Variants in NRG2 observed in about 807,000 individuals in gnomAD.
NRG2 encodes the protein pro-neuregulin-2, membrane-bound isoform.
A neutral mutation model predicts 73.9 loss-of-function variants in NRG2; 27 were observed. That is an observed-to-expected ratio of 0.37 (90% CI 0.27 to 0.50). NRG2 has a LOEUF of 0.50. Among genes scored for constraint, NRG2 ranks in the 20% least tolerant of loss-of-function variants. The pLI, the probability that NRG2 is intolerant of heterozygous loss-of-function variation, is 0.96. For synonymous variants in NRG2, 532 were observed against 541.0 expected, an observed-to-expected ratio of 0.98 and a Z score of 0.23; for missense variants, 1,126 against 1,210.1, an observed-to-expected ratio of 0.93 and a Z score of 1.03.
chr5:139,886,126 A>T (rs1344843076), intron 2 of NRG2, among the ~76,000 whole-genome samples: 1 of 152,110 alleles, frequency 6.6e-6, no homozygotes, highest in East Asian at 1.9e-4. Context: ...TCAGCCACAA[A>T]CCTTTGATCT....
At chr5:140,033,371 A>T (rs1050099982) in intron 1 of NRG2, among the ~76,000 whole-genome samples, 2 of 152,380 alleles carry the variant, frequency 1.3e-5, no homozygotes, top group East Asian at 3.9e-4. Context: ...GGACTCCAGA[A>T]CTTGGTTCAC....
At chr5:139,926,978 T>C (rs1752105827) in intron 1 of NRG2, among the ~76,000 whole-genome samples, 1 of 152,184 alleles carries the variant, frequency 6.6e-6, no homozygotes, top group Admixed American at 6.5e-5. Context: ...CAACCAGACC[T>C]TCTGCCAGGC....
intron 5 of NRG2, among the ~76,000 whole-genome samples, chr5:139,862,897 T>C (rs1208073735): frequency 6.6e-6 from 1 of 152,240 alleles, no homozygotes; most frequent in Non-Finnish European, 1.5e-5. Flanking sequence ...TTCAATGTGC[T>C]ATTGCAGTCA....
chr5:139,852,516 C>T lies in NRG2; in HGVS notation c.1460G>A (p.Arg487Lys), dbSNP rs1761513067. ...CCCAGAGAAGGTGGTCTCAGTTTCT[C>T]TCCTGATGACATGGTCTGTGGCTGG... ...NVPATDHVIRRETETTFSGSH... is the reference protein window; with the variant it reads ...NVPATDHVIRKETETTFSGSH... Residue 487 changes from arginine to lysine, a missense_variant, in exon 8 of 10, where the codon AGA becomes AAA. Around this residue, in one of 3 missense-constraint regions of NRG2, gnomAD observed 539 missense variants for 703.2 expected, o/e 0.77. Transcript: ENST00000361474. The surrounding 1 kb of genome is among the most constrained non-coding windows in gnomAD (Gnocchi z 4.4). 2 of 1,614,134 alleles carry T rather than the reference C, an allele frequency of 1.2e-6. No homozygotes were observed. The highest frequency in any genetic ancestry group is 1.7e-6 in the Non-Finnish European group (2 of 1,180,022).
At chr5:140,002,220 G>C (rs376512852) in intron 1 of NRG2, among the ~76,000 whole-genome samples, 1 of 152,124 alleles carries the variant, frequency 6.6e-6, no homozygotes, top group African/African-American at 2.4e-5. Context: ...TATTAGAGCT[G>C]TGACAGGGGA....
rs1381101188 is a variant in NRG2 at position 139,847,224 on chromosome 5, C to G, written c.*693G>C. On this transcript the variant is annotated 3_prime_UTR_variant, in exon 10 of 10. Coordinates refer to ENST00000361474, the MANE Select transcript of NRG2 (RefSeq NM_004883.3). ...GGGGACAGGAGCCGCCAACATTGGG[C>G]CCCTGGCAGAGCTGCCACCTCCCTG... 1 of 152,218 alleles carries G rather than the reference C, an allele frequency of 6.6e-6. No homozygotes were observed. Among genetic ancestry groups the G allele is most frequent in the Non-Finnish European group, 1.5e-5 (1 of 68,078 alleles). 9.4% of individuals were successfully genotyped at this position (152,218 alleles called of 1,614,324 possible). A position where few individuals can be genotyped will look rare whatever the true frequency, so the allele number is the denominator to read the frequency against.
chr5:139,895,954 T>C (rs1764518733), intron 1 of NRG2, among the ~76,000 whole-genome samples: 1 of 152,214 alleles, frequency 6.6e-6, no homozygotes, highest in Non-Finnish European at 1.5e-5. Context: ...GCTCAGGGAA[T>C]TCAGAAAGGG....
At chr5:140,020,601 C>A (rs1013226739) in intron 1 of NRG2, among the ~76,000 whole-genome samples, 16 of 152,194 alleles carry the variant, frequency 1.1e-4, no homozygotes, top group African/African-American at 3.9e-4. Context: ...TTCCAGAGAT[C>A]TGTGCAATGA....
intron 1 of NRG2, among the ~76,000 whole-genome samples, chr5:139,940,260 A>G (rs13153565): frequency 0.14 from 21,341 of 152,232 alleles, 1,609 homozygotes; most frequent in South Asian, 0.25. Flanking sequence ...CTACTGAGCA[A>G]TAAAGAGGAG....
At chr5:139,867,914 G>C (rs1209659296) in intron 4 of NRG2, among the ~76,000 whole-genome samples, 1 of 148,738 alleles carries the variant, frequency 6.7e-6, no homozygotes, top group Non-Finnish European at 1.5e-5. Context: ...TGACAAGCAG[G>C]GCTGCTGTCC....
At chr5:139,946,429 G>A (rs1263260211) in intron 1 of NRG2, among the ~76,000 whole-genome samples, 1 of 151,904 alleles carries the variant, frequency 6.6e-6, no homozygotes, top group Non-Finnish European at 1.5e-5. Flanking sequence ...CAGCAAAATA[G>A]TGAAGTTGGA....
At chr5:139,893,577 A>G (rs1442143044) in intron 1 of NRG2, among the ~76,000 whole-genome samples, 1 of 152,184 alleles carries the variant, frequency 6.6e-6, no homozygotes, top group Non-Finnish European at 1.5e-5. Context: ...TGGCAAGCTG[A>G]TGGCCTACAC....
intron 1 of NRG2, among the ~76,000 whole-genome samples, chr5:139,901,458 C>G (rs975723691): frequency 3.3e-5 from 5 of 152,166 alleles, no homozygotes; most frequent in Non-Finnish European, 7.4e-5. Flanking sequence ...CAGAAGCAAC[C>G]CCCAGATGTG....
intron 1 of NRG2, among the ~76,000 whole-genome samples, chr5:140,015,514 T>C (rs62383916): frequency 0.083 from 12,585 of 152,234 alleles, 700 homozygotes; most frequent in Non-Finnish European, 0.12. Context: ...TAACGGAGAT[T>C]CCATAAGTGT....
chr5:140,019,912 C>T (rs1474855917), intron 1 of NRG2, among the ~76,000 whole-genome samples: 1 of 152,144 alleles, frequency 6.6e-6, no homozygotes, highest in Admixed American at 6.5e-5. Context: ...CCTCCACGCC[C>T]GGCTAATTTT....
chr5:139,900,785 CT>C (rs1201626316), intron 1 of NRG2, among the ~76,000 whole-genome samples: 1 of 152,216 alleles, frequency 6.6e-6, no homozygotes, highest in Non-Finnish European at 1.5e-5. Context: ...CTCCATGTGT[CT>C]TCATTTTGGT....
At chr5:139,927,553 T>A (rs1451668541) in intron 1 of NRG2, among the ~76,000 whole-genome samples, 2 of 151,860 alleles carry the variant, frequency 1.3e-5, no homozygotes, top group Non-Finnish European at 2.9e-5. Flanking sequence ...CACCTGAGGT[T>A]AGGAGTTTGA....
intron 1 of NRG2, among the ~76,000 whole-genome samples, chr5:139,893,957 T>C (rs993769384): frequency 9.2e-5 from 14 of 152,202 alleles, no homozygotes; most frequent in African/African-American, 3.4e-4. Context: ...TTCTGGCCTG[T>C]ATCTGTTTGA....
rs1437312026 is a variant in NRG2 at position 139,851,806 on chromosome 5, C to T, written c.1570G>A (p.Glu524Lys). ...TCAGAAGTCAGGCTCTCAGAACGTT[C>T]CAGGCTCCACGTGTGGCTCTCGTGT... ...HRHESHTWSL[E>K]RSESLTSDSQ... The change falls in exon 9 of 10, where the codon GAA becomes AAA. Residue 524 changes from glutamate to lysine, a missense_variant. By Grantham distance (56) the Glu-to-Lys change is moderately conservative. Transcript: ENST00000361474. The surrounding 1 kb of genome is among the most constrained non-coding windows in gnomAD (Gnocchi z 4.2). The T allele has an allele frequency of 2.5e-6, 4 of 1,614,184 alleles. No homozygotes were observed. Among genetic ancestry groups the T allele is most frequent in the Non-Finnish European group, 1.7e-6 (2 of 1,180,022 alleles).
Sources: gnomAD v4.1 joint callset for allele counts (sites outside exome capture counted in the v4.1 genomes callset) on GRCh38, gnomAD v4.1.1 for gene constraint, gnomAD v4.1.1 regional missense constraint, Gnocchi (gnomAD v3.1) non-coding constraint, MANE v1.5 for transcripts, NCBI Gene and HGNC (gene_info 2026-07-23, HGNC 2026-07-21) for gene names.